SSTR5: variants seen among roughly 807,000 people sequenced by gnomAD.
SSTR5 encodes somatostatin receptor type 5.
A neutral mutation model predicts 0.3 loss-of-function variants in SSTR5; 1 was observed. The observed-to-expected ratio is 2.98, with a 90% CI of 1.06 to 14.15. SSTR5 has a LOEUF of 14.15. SSTR5 is among the 30% of genes most tolerant of loss of function. The probability of loss-of-function intolerance (pLI) is 0.12; values close to 1 mark genes in which losing one functional copy is unlikely to be tolerated. For synonymous variants in SSTR5, 256 were observed against 263.1 expected, an observed-to-expected ratio of 0.97 and a Z score of 0.26; for missense variants, 516 against 543.2, an observed-to-expected ratio of 0.95 and a Z score of 0.50.
rs527315327 is a variant in SSTR5 at position 1,080,065 on chromosome 16, G to C, written c.*102G>C. 7.0e-7 allele frequency: 1 copy of C among 1,428,618 alleles called. No homozygotes were observed. Among genetic ancestry groups the C allele is most frequent in the East Asian group, 2.5e-5 (1 of 40,164 alleles). 88.5% of individuals were successfully genotyped at this position (1,428,618 alleles called of 1,614,324 possible). ...CCTGCCAGTCAGGATGCTCCCCGGC[G>C]GTGGTGTGAGGACAGAGCTGGCTGA... On this transcript the variant is annotated 3_prime_UTR_variant, in exon 2 of 2. Coordinates refer to ENST00000689027, the MANE Select transcript of SSTR5 (RefSeq NM_001172560.3).
In SSTR5 at chr16:1,079,815, A is replaced by C; in HGVS notation, c.947A>C (p.Gln316Pro). The change falls in exon 2 of 2, where the codon CAG becomes CCG. Residue 316 changes from glutamine to proline, a missense_variant. By Grantham distance (76) the Gln-to-Pro change is moderately conservative. Coordinates refer to ENST00000689027, the MANE Select transcript of SSTR5 (RefSeq NM_001172560.3). ...FLSDNFRQSF[Q>P]KVLCLRKGSG... Reference sequence around the variant, plus strand: ...TCTGACAACTTCCGCCAGAGCTTCCAGAAGGTTCTGTGCCTCCGCAAGGGC... The same window carrying C: ...TCTGACAACTTCCGCCAGAGCTTCCCGAAGGTTCTGTGCCTCCGCAAGGGC... 6.2e-7 allele frequency: 1 copy of C among 1,612,340 alleles called. No homozygotes were observed. Among genetic ancestry groups the C allele is most frequent in the Non-Finnish European group, 8.5e-7 (1 of 1,179,854 alleles).
rs141871007 is a variant in SSTR5 at position 1,079,057 on chromosome 16, C to T, written c.189C>T (p.Tyr63=). 9.3e-6 allele frequency: 15 copies of T among 1,612,230 alleles called. No individual in the cohort carries two copies. In the African/African-American group the frequency reaches 9.3e-5, roughly 10 times the overall value. The stretch of plus-strand genomic sequence containing the variant: ...TGGGCGGGAACACGCTGGTCATCTA[C>T]GTGGTGCTGCGCTTCGCCAAGATGA... The part of the protein sequence containing the change: ...AGLGGNTLVI[Y]VVLRFAKMKT... Residue 63 remains tyrosine (Y), a synonymous_variant, in exon 2 of 2, where the codon TAC becomes TAT. Coordinates refer to ENST00000689027, the MANE Select transcript of SSTR5 (RefSeq NM_001172560.3).
chr16:1,079,842 C>G lies in SSTR5; in HGVS notation c.974C>G (p.Ser325Cys). ...AAGGTTCTGTGCCTCCGCAAGGGCT[C>G]TGGTGCCAAGGACGCTGACGCCACG... ...FQKVLCLRKG[S>C]GAKDADATEP... The change falls in exon 2 of 2, where the codon TCT becomes TGT. Residue 325 changes from serine (S) to cysteine (C), a missense_variant. By Grantham distance (112) the Ser-to-Cys change is moderately radical (BLOSUM62 -1). Transcript: ENST00000689027. The G allele has an allele frequency of 1.2e-6, 2 of 1,611,954 alleles. No individual in the cohort carries two copies. The highest frequency in any genetic ancestry group is 1.7e-6 in the Non-Finnish European group (2 of 1,179,788).
Position 1,079,909 on chromosome 16 carries a change from G to A in SSTR5, c.1041G>A (p.Thr347=), listed in dbSNP as rs148067380. Residue 347 remains threonine, a synonymous_variant, in exon 2 of 2, where the codon ACG becomes ACA. Transcript: ENST00000689027. ...PDRIRQQQEA[T]PPAHRAAANG... ...GGATCCGGCAGCAGCAGGAGGCCAC[G>A]CCACCCGCGCACCGCGCCGCAGCCA... is the stretch of plus-strand genomic sequence containing the variant. 35 of 1,607,420 alleles carry A rather than the reference G, an allele frequency of 2.2e-5. No individual in the cohort carries two copies. The highest frequency in any genetic ancestry group is 1.0e-4 in the Admixed American group (6 of 59,586).
chr16:1,079,733 G>T lies in SSTR5; in HGVS notation c.865G>T (p.Val289Leu). The change falls in exon 2 of 2, where the codon GTG (valine) becomes TTG (leucine). Residue 289 changes from valine to leucine, a missense_variant. Transcript: ENST00000689027. ...EPASAGLYFF[V>L]VILSYANSCA... ...CGCCTCCGCCGGCCTCTACTTCTTCGTGGTCATCCTCTCCTACGCCAACAG... is the reference window on the plus strand; with the variant it reads ...CGCCTCCGCCGGCCTCTACTTCTTCTTGGTCATCCTCTCCTACGCCAACAG... 1.2e-6 allele frequency: 2 copies of T among 1,612,162 alleles called. No homozygotes were observed. The highest frequency in any genetic ancestry group is 1.7e-6 in the Non-Finnish European group (2 of 1,179,922).
In SSTR5 at chr16:1,081,201, G is replaced by T. The variant is rs1357677615; in HGVS notation, c.*1238G>T. ...CTTGGCCTTGCTCTGAGGCTGGAAG[G>T]AGAAGGACCAGGGTGCGGCATCACT... On this transcript the variant is annotated 3_prime_UTR_variant, in exon 2 of 2. Transcript: ENST00000689027. 1 of 460,404 alleles carries T rather than the reference G, an allele frequency of 2.2e-6. No homozygotes were observed. 28.5% of individuals were successfully genotyped at this position (460,404 alleles called of 1,614,324 possible).
intron 1 of SSTR5, chr16:1,078,444 C>T (rs1960260668): frequency 5.1e-6 from 1 of 195,446 alleles, no homozygotes; most frequent in Non-Finnish European, 1.0e-5. Flanking sequence ...GCCCGCTGGG[C>T]CTCGGCTCCT....
At chr16:1,075,345 C>A (rs1390101240) in intron 1 of SSTR5, among the ~76,000 whole-genome samples, 1 of 152,096 alleles carries the variant, frequency 6.6e-6, no homozygotes, top group East Asian at 1.9e-4. Flanking sequence ...TCCTCTGAAG[C>A]TAAGAAGCTA....
intron 1 of SSTR5, among the ~76,000 whole-genome samples, chr16:1,075,015 G>A (rs143119247): frequency 8.5e-4 from 129 of 152,288 alleles, no homozygotes; most frequent in African/African-American, 2.6e-3. Context: ...CTTCGTGGCC[G>A]AGGGCTCGGG....
chr16:1,075,946 T>C, intron 1 of SSTR5, among the ~76,000 whole-genome samples: 1 of 25,446 alleles, frequency 3.9e-5, no homozygotes, highest in African/African-American at 1.5e-4. Flanking sequence ...TGTCTTTCTC[T>C]CTCCCTCCCC....
intron 1 of SSTR5, among the ~76,000 whole-genome samples, chr16:1,075,009 G>A (rs937823299): frequency 5.3e-5 from 8 of 152,288 alleles, no homozygotes; most frequent in African/African-American, 1.4e-4. Context: ...AGATCCCTTC[G>A]TGGCCGAGGG....
rs930310433 is a variant in SSTR5, at chr16:1,079,117, A to G, written c.249A>G (p.Ala83=). The change falls in exon 2 of 2, where the codon GCA becomes GCG. Residue 83 remains alanine, a synonymous_variant. Coordinates refer to ENST00000689027, the MANE Select transcript of SSTR5 (RefSeq NM_001172560.3). ...TVTNIYILNL[A]VADVLYMLGL... ...CCAACATCTACATTCTCAACCTGGC[A>G]GTGGCCGACGTCCTGTACATGCTGG... 1.2e-6 allele frequency: 2 copies of G among 1,612,576 alleles called. No homozygotes were observed. The highest frequency in any genetic ancestry group is 2.7e-5 in the African/African-American group (2 of 74,910).
At chr16:1,074,385 C>T (rs1255860104) in intron 1 of SSTR5, among the ~76,000 whole-genome samples, 10 of 152,192 alleles carry the variant, frequency 6.6e-5, no homozygotes, top group East Asian at 1.9e-4. Context: ...AAGCTGCAGC[C>T]GCATCGCTGC....
chr16:1,080,972 C>T lies in SSTR5; in HGVS notation c.*1009C>T. ...GGAGCAGAGGACGGTCATCCAGGCG[C>T]AGCGGGGAGCTGCTCCCCAGGCCAC... On this transcript the variant is annotated 3_prime_UTR_variant, in exon 2 of 2. Transcript: ENST00000689027. 2 of 454,144 alleles carry T rather than the reference C, an allele frequency of 4.4e-6. No homozygotes were observed. The highest frequency in any genetic ancestry group is 3.2e-5 in the South Asian group (2 of 63,192). 28.1% of individuals were successfully genotyped at this position (454,144 alleles called of 1,614,324 possible).
Position 1,080,206 on chromosome 16 carries a change from G to T in SSTR5, c.*243G>T. ...AGGTAGGGGAGGTGGCCAGACCGGT[G>T]GGGGGCTCCGCCATGCCGTGCAAGT... On this transcript the variant is annotated 3_prime_UTR_variant, in exon 2 of 2. Transcript: ENST00000689027. 1 of 548,318 alleles carries T rather than the reference G, an allele frequency of 1.8e-6. No individual in the cohort carries two copies. Among genetic ancestry groups the T allele is most frequent in the Non-Finnish European group, 3.2e-6 (1 of 311,236 alleles). 34.0% of individuals were successfully genotyped at this position (548,318 alleles called of 1,614,324 possible).
intron 1 of SSTR5, among the ~76,000 whole-genome samples, chr16:1,075,758 C>G (rs1162206974): frequency 1.3e-5 from 2 of 151,856 alleles, no homozygotes; most frequent in Non-Finnish European, 2.9e-5. Context: ...ATGCATGCTC[C>G]ACAGGCAGCC....
At position 1,079,408 on chromosome 16, in the gene SSTR5, G is replaced by T. The variant is rs372226073; in HGVS notation, c.540G>T (p.Val180=). 2.8e-5 allele frequency: 44 copies of T among 1,597,118 alleles called. No homozygotes were observed. In the South Asian group the frequency reaches 4.6e-4, roughly 17 times the overall value. The part of the protein sequence containing the change: ...MSLPLLVFAD[V]QEGGTCNASW... ...TGCCGCTCCTGGTGTTCGCGGACGT[G>T]CAGGAGGGCGGTACCTGCAACGCCA... The change falls in exon 2 of 2, where the codon GTG becomes GTT. Residue 180 remains valine, a synonymous_variant. Coordinates refer to ENST00000689027, the MANE Select transcript of SSTR5 (RefSeq NM_001172560.3).
At chr16:1,074,339 G>A (rs1404911953) in intron 1 of SSTR5, among the ~76,000 whole-genome samples, 1 of 152,232 alleles carries the variant, frequency 6.6e-6, no homozygotes, top group Non-Finnish European at 1.5e-5. Flanking sequence ...CGTGTGAGCC[G>A]CTGCCTCCCC....
chr16:1,073,529 G>A (rs944268387), intron 1 of SSTR5: 7 of 152,406 alleles, frequency 4.6e-5, no homozygotes, highest in East Asian at 1.9e-4. Flanking sequence ...CGCCCGCTGC[G>A]AACAGAGCCC....
Sources: allele counts gnomAD v4.1 joint callset (sites outside exome capture counted in the v4.1 genomes callset), GRCh38; gene constraint gnomAD v4.1.1; transcripts MANE v1.5; gene names NCBI Gene and HGNC (gene_info 2026-07-23, HGNC 2026-07-21).